The following REPS1 variants were observed in gnomAD, a reference collection of about 807,000 sequenced individuals.
REPS1 encodes the protein ralBP1-associated Eps domain-containing protein 1.
Under a neutral mutation model 100.9 loss-of-function variants are expected in REPS1, and 39 were observed. The observed-to-expected ratio is 0.39, with a 90% CI of 0.30 to 0.50. The LOEUF (loss-of-function observed/expected upper bound fraction) is 0.50. Ranked by LOEUF, REPS1 falls within the 20% of genes least tolerant of loss-of-function variation. REPS1 has a pLI of 0.86. For synonymous variants in REPS1, 324 were observed against 340.3 expected (o/e 0.95, Z 0.53); for missense variants, 821 against 968.5 (o/e 0.85, Z 2.02).
chr6:138,912,775 T>G lies in REPS1; in HGVS notation c.1961A>C (p.Glu654Ala), dbSNP rs145013575. The G allele has an allele frequency of 6.2e-7, 1 of 1,614,194 alleles. No homozygotes were observed. Among genetic ancestry groups the G allele is most frequent in the Non-Finnish European group, 8.5e-7 (1 of 1,180,024 alleles). ...CCCTCGAAAACTGACCGGCAGGACT[T>G]CTGGATGTTTCTCGGCTTCATCATC... ...EQDDEAEKHPEVLPAEKASDP... is the reference protein window; with the variant it reads ...EQDDEAEKHPAVLPAEKASDP... Residue 654 changes from glutamate to alanine, a missense_variant, in exon 16 of 20, where the codon GAA becomes GCA. Transcript: ENST00000450536.
chr6:138,983,474 A>T (rs1486282267), intron 1 of REPS1, among the ~76,000 whole-genome samples: 1 of 152,092 alleles, frequency 6.6e-6, no homozygotes, highest in Admixed American at 6.6e-5. Context: ...AAATAAAAAT[A>T]AAAATAAACA....
At chr6:138,981,876 C>T (rs1784973975) in intron 1 of REPS1, among the ~76,000 whole-genome samples, 1 of 152,006 alleles carries the variant, frequency 6.6e-6, no homozygotes, top group Non-Finnish European at 1.5e-5. Context: ...TCCCAATATA[C>T]TAAAACTCTA....
intron 8 of REPS1, among the ~76,000 whole-genome samples, chr6:138,941,087 T>C (rs1367214126): frequency 6.6e-6 from 1 of 152,160 alleles, no homozygotes; most frequent in Non-Finnish European, 1.5e-5. Flanking sequence ...GCTCTTCAAA[T>C]CTCGGCAAGT....
At chr6:138,959,130 AC>A (rs1582826564) in intron 1 of REPS1, among the ~76,000 whole-genome samples, 2 of 152,162 alleles carry the variant, frequency 1.3e-5, no homozygotes, top group Admixed American at 1.3e-4. Context: ...CAGGGCAAGT[AC>A]CCCCAAGAAG....
chr6:138,937,106 AGGGAAAC>A (rs368830914), intron 8 of REPS1, among the ~76,000 whole-genome samples: 13,348 of 152,146 alleles, frequency 0.088, 1,219 homozygotes, highest in African/African-American at 0.23. Context: ...GAGCTTGTGC[AGGGAAAC>A]TCCCCTTATA....
intron 1 of REPS1, among the ~76,000 whole-genome samples, chr6:138,980,623 C>A (rs1784888290): frequency 6.7e-6 from 1 of 149,982 alleles, no homozygotes; most frequent in Non-Finnish European, 1.5e-5. Context: ...TCTGATTCTA[C>A]CACCCAATGA....
In REPS1 at chr6:138,911,352, G is replaced by C. The variant is rs898570602; in HGVS notation, c.1991C>G (p.Pro664Arg). Residue 664 changes from proline to arginine, a missense_variant, in exon 17 of 20, where the codon CCT (proline) becomes CGT (arginine). Around this residue, in one of 3 missense-constraint regions of REPS1, gnomAD observed 757 missense variants for 866.4 expected, o/e 0.87. Coordinates refer to ENST00000450536, the MANE Select transcript of REPS1 (RefSeq NM_001286611.2). Reference sequence around the variant, plus strand: ...TTTGGCAACTCGAAGAGAACTTGCAGGATCAGAAGCTTTTTCAGCCTAAAA... The same window carrying C: ...TTTGGCAACTCGAAGAGAACTTGCACGATCAGAAGCTTTTTCAGCCTAAAA... ...EVLPAEKASD[P>R]ASSLRVAKTD... 6.2e-7 allele frequency: 1 copy of C among 1,612,958 alleles called. No individual in the cohort carries two copies. Among genetic ancestry groups the C allele is most frequent in the Non-Finnish European group, 8.5e-7 (1 of 1,179,118 alleles).
intron 1 of REPS1, among the ~76,000 whole-genome samples, chr6:138,974,191 C>T (rs1207165251): frequency 1.3e-5 from 2 of 152,120 alleles, no homozygotes; most frequent in African/African-American, 2.4e-5. Context: ...ACAGATCCAT[C>T]CCCTGAACGA....
chr6:138,909,532 G>A (rs533815479), intron 17 of REPS1, among the ~76,000 whole-genome samples: 1 of 152,230 alleles, frequency 6.6e-6, no homozygotes, highest in Admixed American at 6.5e-5. Context: ...ATAGTGATAT[G>A]GTTTGGCTCG....
In REPS1 at chr6:138,904,926, C is replaced by T. The variant is rs1779532778; in HGVS notation, c.*138G>A. 1.9e-5 allele frequency: 12 copies of T among 633,202 alleles called. No individual in the cohort carries two copies. The highest frequency in any genetic ancestry group is 8.5e-5 in the South Asian group (4 of 47,076). 39.2% of individuals were successfully genotyped at this position (633,202 alleles called of 1,614,324 possible). On this transcript the variant is annotated 3_prime_UTR_variant, in exon 20 of 20. Transcript: ENST00000450536. ...AAAAATAAAAGATACTTAAATACAA[C>T]GGTGAACATATAGGGCAAAACAGAA... is the stretch of plus-strand genomic sequence containing the variant.
At chr6:138,963,214 TC>T (rs1783836967) in intron 1 of REPS1, among the ~76,000 whole-genome samples, 2 of 152,218 alleles carry the variant, frequency 1.3e-5, no homozygotes, top group Non-Finnish European at 2.9e-5. Flanking sequence ...TGTAACATTT[TC>T]TATCCATCCC....
At chr6:138,957,371 A>C (rs1783454063) in intron 1 of REPS1, among the ~76,000 whole-genome samples, 1 of 152,248 alleles carries the variant, frequency 6.6e-6, no homozygotes, top group South Asian at 2.1e-4. Context: ...TGAATATCAG[A>C]AAACAATAAA....
intron 1 of REPS1, among the ~76,000 whole-genome samples, chr6:138,965,021 A>G (rs150481450): frequency 2.4e-4 from 37 of 152,148 alleles, no homozygotes; most frequent in African/African-American, 8.9e-4. Context: ...CAATTTCTGC[A>G]TAGTATATGT....
Position 138,987,667 on chromosome 6 carries a change from G to C in REPS1, c.16C>G (p.Leu6Val). The change falls in exon 1 of 20, where the codon CTG becomes GTG. Residue 6 changes from leucine to valine, a missense_variant. By Grantham distance (32) the Leu-to-Val change is conservative. Around this residue, in one of 3 missense-constraint regions of REPS1, gnomAD observed 36 missense variants for 36.7 expected, o/e 0.98. Coordinates refer to ENST00000450536, the MANE Select transcript of REPS1 (RefSeq NM_001286611.2). ...TAGTATTTCTGCTCCGCATCGCTCAGCGTTAAGCCTTCCATCTTCGCCTCC... is the reference window on the plus strand; with the variant it reads ...TAGTATTTCTGCTCCGCATCGCTCACCGTTAAGCCTTCCATCTTCGCCTCC... MEGLT[L>V]SDAEQKYYSD... 2 of 1,545,704 alleles carry C rather than the reference G, an allele frequency of 1.3e-6. No individual in the cohort carries two copies. The highest frequency in any genetic ancestry group is 1.2e-5 in the South Asian group (1 of 83,568).
intron 8 of REPS1, among the ~76,000 whole-genome samples, chr6:138,930,511 TTC>T (rs1197482468): frequency 1.3e-5 from 2 of 152,198 alleles, no homozygotes; most frequent in African/African-American, 2.4e-5. Flanking sequence ...GAAACAATAA[TTC>T]TCTGTTGGAG....
intron 1 of REPS1, among the ~76,000 whole-genome samples, chr6:138,952,318 C>CA (rs1199232401): frequency 6.6e-6 from 1 of 151,574 alleles, no homozygotes; most frequent in Non-Finnish European, 1.5e-5. Flanking sequence ...AAGACTCTAC[C>CA]AAAAAACTCT....
chr6:138,939,019 T>C (rs1782053936), intron 8 of REPS1, among the ~76,000 whole-genome samples: 1 of 152,034 alleles, frequency 6.6e-6, no homozygotes, highest in African/African-American at 2.4e-5. Context: ...TGCTAATTTT[T>C]TTTATAATGA....
At chr6:138,952,215 G>A (rs1440561711) in intron 1 of REPS1, among the ~76,000 whole-genome samples, 2 of 152,056 alleles carry the variant, frequency 1.3e-5, no homozygotes, top group Non-Finnish European at 2.9e-5. Context: ...AATTAGGGAA[G>A]AGAAAGAAAG....
chr6:138,926,621 T>C, intron 9 of REPS1, 140 bp from the exon 10 acceptor site: 1 of 624,582 alleles, frequency 1.6e-6, no homozygotes, highest in Non-Finnish European at 2.9e-6. Context: ...TAATTTCTAT[T>C]TTTCCGTCAA....
Sources: allele counts gnomAD v4.1 joint callset (sites outside exome capture counted in the v4.1 genomes callset), GRCh38; gene constraint gnomAD v4.1.1; regional missense constraint gnomAD v4.1.1; transcripts MANE v1.5; gene names NCBI Gene and HGNC (gene_info 2026-07-23, HGNC 2026-07-21).